NFIB: variants seen among roughly 807,000 people sequenced by gnomAD.
NFIB encodes nuclear factor 1 B-type.
In NFIB, 11 loss-of-function variants were observed where a neutral mutation model predicts 61.5. The observed-to-expected ratio is 0.18, with a 90% confidence interval of 0.11 to 0.30. The LOEUF is 0.30. Ranked by LOEUF, NFIB falls within the 10% of genes least tolerant of loss-of-function variation. NFIB has a pLI of 1.00. For missense variants in NFIB, 471 were observed against 608.9 expected, an observed-to-expected ratio of 0.77 and a Z score of 2.38; for synonymous variants, 260 against 216.5, an observed-to-expected ratio of 1.20 and a Z score of -1.76.
intron 2 of NFIB, among the ~76,000 whole-genome samples, chr9:14,196,667 C>T (rs2048503588): frequency 7.1e-6 from 1 of 140,684 alleles, no homozygotes. Flanking sequence ...TAATTTTACT[C>T]CCAATTCTCT....
chr9:14,526,892 T>C, the NFIB span, among the ~76,000 whole-genome samples: 55 of 152,154 alleles, frequency 3.6e-4, no homozygotes, highest in Non-Finnish European at 1.5e-4. Flanking sequence ...GAAAAGAGGA[T>C]AGGCAGGCAC....
the NFIB span, among the ~76,000 whole-genome samples, chr9:14,465,401 C>CA: frequency 5.9e-5 from 9 of 152,170 alleles, no homozygotes; most frequent in African/African-American, 1.4e-4. Context: ...GAACATATTT[C>CA]AAAAAATAAA....
At position 14,311,090 on chromosome 9, in the gene NFIB, T is replaced by A. The variant is rs528171665; in HGVS notation, c.30+2392A>T. ...TATTAAATCATATGATAGTTCTTAA[T>A]TTTTCCTTTATATCTGATTTATACT... On this transcript the variant is annotated intron_variant, in intron 1 of 10. Transcript: ENST00000380953. Among the ~76,000 whole-genome samples the A allele has an allele frequency of 4.0e-4, 61 of 152,226 alleles. 1 individual carries two copies. In the South Asian group the frequency reaches 0.012, roughly 30 times the overall value.
the NFIB span, among the ~76,000 whole-genome samples, chr9:14,441,361 C>T: frequency 6.6e-6 from 1 of 152,070 alleles, no homozygotes; most frequent in South Asian, 2.1e-4. Context: ...GGGTCTGCGC[C>T]GATTTTAATT....
intron 1 of NFIB, among the ~76,000 whole-genome samples, chr9:14,332,193 C>T (rs528422558): frequency 2.0e-5 from 3 of 151,704 alleles, no homozygotes; most frequent in South Asian, 4.2e-4. Flanking sequence ...ACTAACTGGG[C>T]GTCGTGGTGG....
intron 6 of NFIB, among the ~76,000 whole-genome samples, chr9:14,135,263 T>C (rs2040910906): frequency 6.6e-6 from 1 of 152,198 alleles, no homozygotes; most frequent in Non-Finnish European, 1.5e-5. Context: ...CAGAATACTA[T>C]AAATAATTCC....
chr9:14,229,028 GAA>G (rs777255038), intron 2 of NFIB, among the ~76,000 whole-genome samples: 1 of 136,418 alleles, frequency 7.3e-6, no homozygotes, highest in Non-Finnish European at 1.6e-5. Context: ...GGTTTACAGG[GAA>G]AAAAAAAAAA....
chr9:14,485,800 G>A, the NFIB span, among the ~76,000 whole-genome samples: 19 of 152,102 alleles, frequency 1.2e-4, no homozygotes, highest in East Asian at 3.9e-4. Flanking sequence ...ACTCAAACCC[G>A]GGAAGCAGAG....
intron 2 of NFIB, among the ~76,000 whole-genome samples, chr9:14,206,482 TAAAA>T (rs1397411253): frequency 3.3e-5 from 5 of 152,008 alleles, no homozygotes; most frequent in Non-Finnish European, 7.4e-5. Flanking sequence ...CTAACACTCT[TAAAA>T]CTTGAGCTAA....
At chr9:14,393,962 T>C (rs2061653754) in intron 1 of NFIB, among the ~76,000 whole-genome samples, 1 of 152,220 alleles carries the variant, frequency 6.6e-6, no homozygotes, top group Admixed American at 6.5e-5. Flanking sequence ...TTCAAGGTCA[T>C]GAGAGGGAAT....
chr9:14,340,513 T>A (rs569400003), intron 1 of NFIB, among the ~76,000 whole-genome samples: 244 of 152,332 alleles, frequency 1.6e-3, no homozygotes, highest in African/African-American at 5.6e-3. Context: ...TAATGTGCAG[T>A]GGGGTTGGGA....
intron 2 of NFIB, among the ~76,000 whole-genome samples, chr9:14,220,511 G>C (rs944852279): frequency 2.0e-5 from 3 of 152,052 alleles, no homozygotes; most frequent in Non-Finnish European, 4.4e-5. Flanking sequence ...ACCATACCTA[G>C]AGCACCAAGA....
chr9:14,286,275 G>A (rs2058703643), intron 2 of NFIB, among the ~76,000 whole-genome samples: 1 of 152,156 alleles, frequency 6.6e-6, no homozygotes, highest in Non-Finnish European at 1.5e-5. Flanking sequence ...TTTTGAATGG[G>A]AGGGTGCTAG....
the NFIB span, among the ~76,000 whole-genome samples, chr9:14,434,695 G>C: frequency 6.6e-6 from 1 of 152,210 alleles, no homozygotes; most frequent in South Asian, 2.1e-4. Flanking sequence ...AGAAACTGGA[G>C]TGTTCTATGC....
the NFIB span, among the ~76,000 whole-genome samples, chr9:14,484,098 A>T: frequency 2.8e-4 from 42 of 152,246 alleles, no homozygotes; most frequent in African/African-American, 9.9e-4. Context: ...TTACCTAGTT[A>T]CTCCTTTTGG....
the NFIB span, among the ~76,000 whole-genome samples, chr9:14,457,159 C>T: frequency 6.6e-6 from 1 of 152,122 alleles, no homozygotes; most frequent in Non-Finnish European, 1.5e-5. Context: ...GTAAGTACAG[C>T]ATTTCTATGG....
At chr9:14,105,252 T>G (rs1206245952) in intron 10 of NFIB, among the ~76,000 whole-genome samples, 2 of 152,188 alleles carry the variant, frequency 1.3e-5, no homozygotes, top group African/African-American at 4.8e-5. Context: ...TTAAGATATA[T>G]GCAATAGAAA....
intron 6 of NFIB, among the ~76,000 whole-genome samples, chr9:14,134,275 T>C (rs943425738): frequency 2.6e-5 from 4 of 152,184 alleles, no homozygotes; most frequent in African/African-American, 9.6e-5. Context: ...ATAAGATCTA[T>C]GCCAATATTT....
At chr9:14,224,690 C>T (rs1044646458) in intron 2 of NFIB, among the ~76,000 whole-genome samples, 1 of 152,150 alleles carries the variant, frequency 6.6e-6, no homozygotes, top group South Asian at 2.1e-4. Context: ...AAATACTATG[C>T]CATTTTATAC....
Sources: gnomAD v4.1 joint callset for allele counts (sites outside exome capture counted in the v4.1 genomes callset) on GRCh38, gnomAD v4.1.1 for gene constraint, MANE v1.5 for transcripts, NCBI Gene and HGNC (gene_info 2026-07-23, HGNC 2026-07-21) for gene names.